GRID2: variants seen among roughly 807,000 people sequenced by gnomAD.
The protein encoded by GRID2 is glutamate receptor ionotropic, delta-2.
A neutral mutation model predicts 114.8 loss-of-function variants in GRID2; 33 were observed. That is an observed-to-expected ratio of 0.29 (90% confidence interval 0.22 to 0.38). GRID2 has a LOEUF of 0.38. Ranked by LOEUF, GRID2 falls within the 10% of genes least tolerant of loss-of-function variation. GRID2 has a pLI of 1.00. For missense variants in GRID2, 1,184 were observed against 1,257.7 expected (o/e 0.94, Z 0.89); for synonymous variants, 505 against 449.9 (o/e 1.12, Z -1.55).
intron 2 of GRID2, among the ~76,000 whole-genome samples, chr4:92,877,415 A>G (rs1745710059): frequency 6.6e-6 from 1 of 152,210 alleles, no homozygotes; most frequent in African/African-American, 2.4e-5. Context: ...GTGGAGCAAT[A>G]TGAAGCTCTG....
intron 2 of GRID2, among the ~76,000 whole-genome samples, chr4:92,969,443 T>C (rs1335949200): frequency 2.0e-5 from 3 of 151,540 alleles, no homozygotes; most frequent in African/African-American, 4.9e-5. Context: ...GAGAATGTTT[T>C]GGGGATCCAT....
chr4:92,322,555 TACCC>T (rs1480092588), intron 1 of GRID2, among the ~76,000 whole-genome samples: 2 of 152,150 alleles, frequency 1.3e-5, no homozygotes, highest in African/African-American at 4.8e-5. Context: ...ACCTACTATA[TACCC>T]ACAAAAATTA....
chr4:92,560,525 C>A (rs1042355691), intron 1 of GRID2, among the ~76,000 whole-genome samples: 1 of 152,030 alleles, frequency 6.6e-6, no homozygotes. Context: ...TACTAAAGTC[C>A]CTTATGATAG....
At chr4:92,362,398 A>C (rs1030924979) in intron 1 of GRID2, among the ~76,000 whole-genome samples, 2 of 152,024 alleles carry the variant, frequency 1.3e-5, no homozygotes, top group African/African-American at 4.8e-5. Context: ...TTTTGTCTTA[A>C]TGTGGCTTAA....
chr4:92,626,171 A>T (rs1262463549), intron 2 of GRID2, among the ~76,000 whole-genome samples: 1 of 152,072 alleles, frequency 6.6e-6, no homozygotes, highest in Non-Finnish European at 1.5e-5. Context: ...GATAGTATTA[A>T]TCCTGAAGAT....
chr4:93,643,803 G>GAGGC (rs1317803553), intron 14 of GRID2, among the ~76,000 whole-genome samples: 1 of 55,804 alleles, frequency 1.8e-5, no homozygotes, highest in Non-Finnish European at 3.2e-5. Context: ...GGAGCCTACA[G>GAGGC]AGGCAGGCAG....
intron 7 of GRID2, among the ~76,000 whole-genome samples, chr4:93,233,218 CT>C (rs1245982256): frequency 6.6e-6 from 1 of 151,886 alleles, no homozygotes; most frequent in Non-Finnish European, 1.5e-5. Flanking sequence ...AGAGACATGG[CT>C]TCTAATTAGC....
At chr4:92,597,753 CATT>C (rs1404037061) in intron 2 of GRID2, among the ~76,000 whole-genome samples, 5 of 152,156 alleles carry the variant, frequency 3.3e-5, no homozygotes, top group South Asian at 2.1e-4. Context: ...GAAACTGACT[CATT>C]AGAGGAATCA....
intron 2 of GRID2, among the ~76,000 whole-genome samples, chr4:93,053,419 G>C (rs1348177185): frequency 6.6e-6 from 1 of 151,782 alleles, no homozygotes; most frequent in East Asian, 1.9e-4. Context: ...GTGTGTTCTC[G>C]TGTGCACATG....
chr4:92,736,512 A>G (rs1270377170), intron 2 of GRID2, among the ~76,000 whole-genome samples: 1 of 152,134 alleles, frequency 6.6e-6, no homozygotes, highest in Non-Finnish European at 1.5e-5. Flanking sequence ...AAAAGGATAT[A>G]CTCATGAATT....
intron 8 of GRID2, among the ~76,000 whole-genome samples, chr4:93,372,429 A>G (rs149373679): frequency 3.9e-5 from 6 of 152,194 alleles, no homozygotes; most frequent in South Asian, 2.1e-4. Context: ...GACTACTACA[A>G]TGTCCCCATG....
chr4:92,311,740 A>T (rs1447749825), intron 1 of GRID2, among the ~76,000 whole-genome samples: 1 of 152,064 alleles, frequency 6.6e-6, no homozygotes, highest in African/African-American at 2.4e-5. Context: ...TAATATAAGC[A>T]TTACTACCAA....
intron 8 of GRID2, 31 bp from the exon 9 acceptor site, chr4:93,395,576 G>T (rs761250432): frequency 9.8e-7 from 1 of 1,021,670 alleles, no homozygotes; most frequent in Admixed American, 1.7e-5. Context: ...TCTTCAGGCA[G>T]AAAAATGACC....
intron 2 of GRID2, among the ~76,000 whole-genome samples, chr4:92,592,946 C>G (rs1028975032): frequency 1.3e-5 from 2 of 151,862 alleles, no homozygotes; most frequent in African/African-American, 2.4e-5. Context: ...AGGAGAAAAC[C>G]TCAACTGTGC....
intron 2 of GRID2, among the ~76,000 whole-genome samples, chr4:92,880,688 GAAA>G (rs1344423335): frequency 1.3e-5 from 2 of 151,900 alleles, no homozygotes; most frequent in African/African-American, 2.4e-5. Context: ...AAACAAATAA[GAAA>G]AAAACACAAC....
chr4:92,710,515 A>G (rs1043823103), intron 2 of GRID2, among the ~76,000 whole-genome samples: 1 of 152,198 alleles, frequency 6.6e-6, no homozygotes, highest in Non-Finnish European at 1.5e-5. Flanking sequence ...AATGCTCTCA[A>G]CTTTTGCCAG....
intron 13 of GRID2, among the ~76,000 whole-genome samples, chr4:93,516,807 A>G (rs1729775366): frequency 6.6e-6 from 1 of 152,002 alleles, no homozygotes; most frequent in Non-Finnish European, 1.5e-5. Flanking sequence ...AGGATGAGTT[A>G]TTTTCCTTTA....
At chr4:93,776,769 A>G (rs1734377865), downstream of GRID2, among the ~76,000 whole-genome samples, 1 of 152,192 alleles carries the variant, frequency 6.6e-6, no homozygotes, top group African/African-American at 2.4e-5. Context: ...ATTTTCAAAA[A>G]TGTGAAAATT....
intron 2 of GRID2, among the ~76,000 whole-genome samples, chr4:92,767,930 A>T (rs923455740): frequency 3.9e-5 from 6 of 152,030 alleles, no homozygotes; most frequent in African/African-American, 1.5e-4. Context: ...AAAAAAAAAA[A>T]AATTTAATAG....
Sources: gnomAD v4.1 joint callset for allele counts (sites outside exome capture counted in the v4.1 genomes callset) on GRCh38, gnomAD v4.1.1 for gene constraint, MANE v1.5 for transcripts, NCBI Gene and HGNC (gene_info 2026-07-23, HGNC 2026-07-21) for gene names.